Variants in GALK2 observed in about 807,000 individuals in gnomAD.
The protein encoded by GALK2 is galactokinase 2.
Under a neutral mutation model 52.4 loss-of-function variants are expected in GALK2, and 36 were observed. That is an observed-to-expected ratio of 0.69 (90% CI 0.53 to 0.91). The LOEUF (loss-of-function observed/expected upper bound fraction) is 0.91. Among genes scored for constraint, GALK2 ranks in the 40% least tolerant of loss-of-function variants. GALK2 has a pLI of 0.00. For missense variants in GALK2, 579 were observed against 559.1 expected (o/e 1.04, Z -0.36); for synonymous variants, 176 against 199.1 (o/e 0.88, Z 0.98).
chr15:49,210,510 G>A (rs1292501640), intron 2 of GALK2, among the ~76,000 whole-genome samples: 2 of 152,002 alleles, frequency 1.3e-5, no homozygotes, highest in East Asian at 3.9e-4. Context: ...TGCGATCTCA[G>A]CTCACTGCAA....
intron 5 of GALK2, among the ~76,000 whole-genome samples, chr15:49,246,111 C>T (rs552128970): frequency 1.5e-3 from 229 of 152,246 alleles, no homozygotes; most frequent in Middle Eastern, 6.8e-3. Flanking sequence ...AAAAATCTTT[C>T]GCCAAGAAAA....
chr15:49,196,938 A>C (rs527390668), intron 1 of GALK2, among the ~76,000 whole-genome samples: 1 of 152,338 alleles, frequency 6.6e-6, no homozygotes, highest in South Asian at 2.1e-4. Context: ...AAAAATTAAA[A>C]AATATTTTAG....
At chr15:49,213,416 G>A (rs940990543) in intron 2 of GALK2, among the ~76,000 whole-genome samples, 2 of 152,038 alleles carry the variant, frequency 1.3e-5, no homozygotes, top group East Asian at 1.9e-4. Context: ...CTAGGTATAC[G>A]TGTGCCATGG....
Position 49,201,191 on chromosome 15 carries a change from C to A in GALK2, c.83C>A (p.Ser28Tyr), listed in dbSNP as rs1192404494. 1.2e-6 allele frequency: 2 copies of A among 1,608,234 alleles called. No homozygotes were observed. The highest frequency in any genetic ancestry group is 2.2e-5 in the South Asian group (2 of 90,878). ...CTGAAGCTAAAGGAGATGTTTAACT[C>A]CAAGTTTGGATCTATTCCCAAGTTT... ...RLLKLKEMFN[S>Y]KFGSIPKFYV... The change falls in exon 2 of 10, where the codon TCC (serine) becomes TAC (tyrosine). Residue 28 changes from serine to tyrosine, a missense_variant. Physicochemically the swap from Ser to Tyr is moderately radical, Grantham distance 144 (BLOSUM62 -2). Transcript: ENST00000560031.
chr15:49,217,768 C>G (rs555677923), intron 3 of GALK2, among the ~76,000 whole-genome samples: 1 of 152,174 alleles, frequency 6.6e-6, no homozygotes, highest in African/African-American at 2.4e-5. Flanking sequence ...TGTTGCCTCT[C>G]TTCTTCAATG....
At chr15:49,284,646 GA>G (rs2033136124) in intron 7 of GALK2, among the ~76,000 whole-genome samples, 1 of 152,138 alleles carries the variant, frequency 6.6e-6, no homozygotes, top group Non-Finnish European at 1.5e-5. Flanking sequence ...AATACAGCCT[GA>G]AATCTATTTT....
chr15:49,207,846 CAG>C lies in GALK2; in HGVS notation c.142+6597_142+6598del, dbSNP rs2088438879. On this transcript the variant is annotated intron_variant, in intron 2 of 9. Coordinates refer to ENST00000560031, the MANE Select transcript of GALK2 (RefSeq NM_002044.4). ...AGGCTGGAGTGCAGTGGTGTGATCT[CAG>C]CTCACTGCAATGTCCACCACCCAGG... 1.3e-5 allele frequency among the ~76,000 whole-genome samples: 2 copies of C among 152,234 alleles called. 1 individual carries two copies. Among genetic ancestry groups the C allele is most frequent in the South Asian group, 4.1e-4 (2 of 4,824 alleles).
intron 2 of GALK2, among the ~76,000 whole-genome samples, chr15:49,213,406 C>G (rs2089097435): frequency 6.6e-6 from 1 of 151,934 alleles, no homozygotes; most frequent in African/African-American, 2.4e-5. Context: ...GGTTTGATAC[C>G]TAGGTATACG....
intron 3 of GALK2, among the ~76,000 whole-genome samples, chr15:49,345,239 AATT>A (rs1465440896): frequency 6.6e-6 from 1 of 152,272 alleles, no homozygotes; most frequent in African/African-American, 2.4e-5. Context: ...ATTTCTTATA[AATT>A]ATTAATTTTG....
chr15:49,229,560 A>G (rs1316738566), intron 3 of GALK2, among the ~76,000 whole-genome samples: 1 of 152,078 alleles, frequency 6.6e-6, no homozygotes, highest in Non-Finnish European at 1.5e-5. Context: ...TTCAGGTGCC[A>G]ATGGTGGTAG....
rs145977148 is a variant in GALK2, at chr15:49,339,965, C to T, written c.426+20160C>T. On this transcript the variant is annotated intron_variant, in intron 3 of 3. Coordinates refer to the GALK2 transcript ENST00000558399. Reference sequence around the variant, plus strand: ...GCCTCAGCAATGGTGGACACCCCTCCCCCCACCAAGCTTGAGGGTCCCAGG... The same window carrying T: ...GCCTCAGCAATGGTGGACACCCCTCTCCCCACCAAGCTTGAGGGTCCCAGG... Among the ~76,000 whole-genome samples the T allele has an allele frequency of 7.5e-3, 1,140 of 152,258 alleles. 16 individuals are homozygous for T. Among genetic ancestry groups the T allele is most frequent in the African/African-American group, 0.026 (1,097 of 41,566 alleles).
At chr15:49,232,347 A>C (rs74563254) in intron 3 of GALK2, among the ~76,000 whole-genome samples, 9,183 of 152,202 alleles carry the variant, frequency 0.06, 554 homozygotes, top group African/African-American at 0.15. Flanking sequence ...CTGTGCAGGG[A>C]AGTGGGACCC....
At chr15:49,291,219 C>A (rs902950112) in intron 7 of GALK2, among the ~76,000 whole-genome samples, 3 of 151,584 alleles carry the variant, frequency 2.0e-5, no homozygotes, top group Admixed American at 6.6e-5. Flanking sequence ...AATAATTGAA[C>A]CGAAAATCAT....
rs530808977 is a variant in GALK2 at position 49,260,266 on chromosome 15, C to A, written c.504+20899C>A. ...TGTTGTTTCCTGACTTTTTAATGAT[C>A]GCCATTCTAACTGGTGTGAGATGGT... On this transcript the variant is annotated intron_variant, in intron 5 of 9. Coordinates refer to ENST00000560031, the MANE Select transcript of GALK2 (RefSeq NM_002044.4). Among the ~76,000 whole-genome samples, 48 of 152,142 alleles carry A rather than the reference C, an allele frequency of 3.2e-4. No individual in the cohort carries two copies. The East Asian group carries it at 9.1e-3, about 29-fold the overall frequency.
At chr15:49,365,927 A>G in intron 3 of GALK2, 1 of 964,548 alleles carries the variant, frequency 1.0e-6, no homozygotes, top group Non-Finnish European at 1.7e-6. Flanking sequence ...GATACTATGC[A>G]GAAAATTGCT....
At chr15:49,351,146 T>C (rs1596391509) in intron 3 of GALK2, among the ~76,000 whole-genome samples, 1 of 152,308 alleles carries the variant, frequency 6.6e-6, no homozygotes, top group Non-Finnish European at 1.5e-5. Flanking sequence ...TGTTTGCACT[T>C]ATTTGAATTC....
At chr15:49,278,028 C>A (rs1284429441) in intron 5 of GALK2, among the ~76,000 whole-genome samples, 1 of 151,832 alleles carries the variant, frequency 6.6e-6, no homozygotes, top group Non-Finnish European at 1.5e-5. Flanking sequence ...TTTGGGAGGC[C>A]GAGGCGGGCA....
At chr15:49,362,757 GGTC>G (rs112117430) in intron 3 of GALK2, among the ~76,000 whole-genome samples, 25,454 of 151,942 alleles carry the variant, frequency 0.17, 2,383 homozygotes, top group Non-Finnish European at 0.21. Flanking sequence ...AATAGGTTTA[GGTC>G]TTACACTTAA....
At chr15:49,290,874 C>T (rs16962307) in intron 7 of GALK2, among the ~76,000 whole-genome samples, 9,187 of 152,176 alleles carry the variant, frequency 0.06, 553 homozygotes, top group African/African-American at 0.15. Context: ...AGAACGTGGC[C>T]TAGGGGCAGC....
Sources: gnomAD v4.1 joint callset for allele counts (sites outside exome capture counted in the v4.1 genomes callset) on GRCh38, gnomAD v4.1.1 for gene constraint, MANE v1.5 for transcripts, NCBI Gene and HGNC (gene_info 2026-07-23, HGNC 2026-07-21) for gene names.